The following BMP1 variants were observed in gnomAD, a reference collection of about 807,000 sequenced individuals.
BMP1 encodes mammalian tolloid protein.
A neutral mutation model predicts 116.8 loss-of-function variants in BMP1; 63 were observed. The ratio of observed to expected loss-of-function variants is 0.54; its 90% CI spans 0.44 to 0.67. The LOEUF is 0.67. Among genes scored for constraint, BMP1 ranks in the 30% least tolerant of loss-of-function variants. The pLI is 0.00. For synonymous variants in BMP1, 536 were observed against 533.4 expected (o/e 1.00, Z -0.07); for missense variants, 1,183 against 1,358.9 (o/e 0.87, Z 2.04).
At chr8:22,201,202 G>A in intron 15 of BMP1, 1 of 1,612,790 alleles carries the variant, frequency 6.2e-7, no homozygotes, top group Non-Finnish European at 8.5e-7. Context: ...ACCCCCCAGT[G>A]AGGCCTGCCA....
rs768570264 is a variant in BMP1 at position 22,194,799 on chromosome 8, G to C, written c.1519G>C (p.Gly507Arg). Residue 507 changes from glycine to arginine, a missense_variant, in exon 12 of 20, where the codon GGG becomes CGG. Physicochemically the swap from Gly to Arg is moderately radical, Grantham distance 125. Around this residue, in one of 4 missense-constraint regions of BMP1, gnomAD observed 956 missense variants for 1,135.2 expected, o/e 0.84. Transcript: ENST00000306385. The surrounding 1 kb of genome is among the most constrained non-coding windows in gnomAD (Gnocchi z 4.5). Reference sequence around the variant, plus strand: ...GCACAGTGAGAGCAGCACCCTCATCGGGCGCTACTGTGGCTATGAGAAGCC... The same window carrying C: ...GCACAGTGAGAGCAGCACCCTCATCCGGCGCTACTGTGGCTATGAGAAGCC... Reference protein sequence around the residue: ...DGHSESSTLIGRYCGYEKPDD... With the variant: ...DGHSESSTLIRRYCGYEKPDD... The C allele has an allele frequency of 1.9e-6, 3 of 1,614,086 alleles. No individual in the cohort carries two copies. Among genetic ancestry groups the C allele is most frequent in the East Asian group, 2.2e-5 (1 of 44,888 alleles).
intron 15 of BMP1, 122 bp downstream of exon 15, chr8:22,197,542 C>T (rs1829129506): frequency 9.2e-7 from 1 of 1,086,876 alleles, no homozygotes; most frequent in Non-Finnish European, 1.3e-6. Flanking sequence ...CAGAGTCTGC[C>T]CCCTGCTCCC....
In BMP1 at chr8:22,194,980, C is replaced by G; in HGVS notation, c.1639+61C>G. ...CCTCGTGACCTTCATCCCTTCTTCACTCACTCATTCAACACGGAGACTCCA... is the reference window on the plus strand; with the variant it reads ...CCTCGTGACCTTCATCCCTTCTTCAGTCACTCATTCAACACGGAGACTCCA... On this transcript the variant is annotated intron_variant, in intron 12 of 19. Coordinates refer to ENST00000306385, the MANE Select transcript of BMP1 (RefSeq NM_006129.5). The surrounding 1 kb of genome is among the most constrained non-coding windows in gnomAD (Gnocchi z 4.5). The G allele has an allele frequency of 8.0e-6, 12 of 1,495,498 alleles. No homozygotes were observed. The highest frequency in any genetic ancestry group is 1.3e-5 in the South Asian group (1 of 77,858). The allele number at this position is 1,495,498 out of a possible 1,614,324, so 92.6% of individuals were successfully genotyped here. A position where few individuals can be genotyped will look rare whatever the true frequency, so the allele number is the denominator to read the frequency against.
Position 22,209,702 on chromosome 8 carries a change from C to G in BMP1, c.2826+7C>G. 6.2e-7 allele frequency: 1 copy of G among 1,612,020 alleles called. No individual in the cohort carries two copies. Among genetic ancestry groups the G allele is most frequent in the Non-Finnish European group, 8.5e-7 (1 of 1,179,222 alleles). Reference sequence around the variant, plus strand: ...GCGCTACTGTGGCTCAGGGGTGAGGCCCCCACCCCTCGCCCTCCTGGCCCC... The same window carrying G: ...GCGCTACTGTGGCTCAGGGGTGAGGGCCCCACCCCTCGCCCTCCTGGCCCC... On this transcript the variant is annotated splice_region_variant and intron_variant, in intron 19 of 19. Coordinates refer to ENST00000306385, the MANE Select transcript of BMP1 (RefSeq NM_006129.5).
chr8:22,177,290 G>T, intron 5 of BMP1, 151 bp downstream of exon 5: 1 of 823,592 alleles, frequency 1.2e-6, no homozygotes, highest in Non-Finnish European at 1.9e-6. Flanking sequence ...GCCAGCCCCT[G>T]CCCTTGAGGC....
chr8:22,196,639 G>C (rs1563267684), intron 13 of BMP1, 41 bp from the exon 14 acceptor site: 1 of 1,612,052 alleles, frequency 6.2e-7, no homozygotes, highest in Non-Finnish European at 8.5e-7. Flanking sequence ...CCCCATGGCA[G>C]GGGCTCCCCG....
chr8:22,208,275 T>C (rs1371018658), intron 18 of BMP1, among the ~76,000 whole-genome samples: 2 of 152,212 alleles, frequency 1.3e-5, no homozygotes, highest in African/African-American at 4.8e-5. Context: ...TCCCAGCCCT[T>C]GAGGGGCTTG....
chr8:22,169,186 A>G (rs1451706725), intron 1 of BMP1, among the ~76,000 whole-genome samples: 2 of 58,874 alleles, frequency 3.4e-5, no homozygotes, highest in Non-Finnish European at 7.7e-5. Flanking sequence ...GACTCTGTGA[A>G]AAAAAAAAAA....
intron 9 of BMP1, among the ~76,000 whole-genome samples, chr8:22,193,144 C>T (rs1329020828): frequency 6.6e-6 from 1 of 152,176 alleles, no homozygotes; most frequent in African/African-American, 2.4e-5. Flanking sequence ...CAACTCATTC[C>T]TAGTTGATTC....
chr8:22,207,884 A>T (rs958258731), intron 18 of BMP1, among the ~76,000 whole-genome samples: 23 of 150,658 alleles, frequency 1.5e-4, no homozygotes, highest in African/African-American at 5.7e-4. Context: ...TTTTATTTTT[A>T]TTTATTTTTT....
chr8:22,194,564 G>T lies in BMP1; in HGVS notation c.1417G>T (p.Val473Leu), dbSNP rs373883675. 6.2e-7 allele frequency: 1 copy of T among 1,614,180 alleles called. No individual in the cohort carries two copies. The highest frequency in any genetic ancestry group is 1.1e-5 in the South Asian group (1 of 91,080). The stretch of plus-strand genomic sequence containing the variant: ...GATCCAGGTGTCTGAGGGCTTCCAC[G>T]TGGGCCTCACATTCCAGTCCTTTGA... ...WRIQVSEGFHVGLTFQSFEIE... is the reference protein window; with the variant it reads ...WRIQVSEGFHLGLTFQSFEIE... Residue 473 changes from valine to leucine, a missense_variant, in exon 11 of 20, where the codon GTG (valine) becomes TTG (leucine). Val to Leu is a conservative substitution (Grantham distance 32). Around this residue, in one of 4 missense-constraint regions of BMP1, gnomAD observed 956 missense variants for 1,135.2 expected, o/e 0.84. Coordinates refer to ENST00000306385, the MANE Select transcript of BMP1 (RefSeq NM_006129.5). The surrounding 1 kb of genome is among the most constrained non-coding windows in gnomAD (Gnocchi z 4.5).
At chr8:22,181,439 G>A (rs7838961) in intron 8 of BMP1, among the ~76,000 whole-genome samples, 84,666 of 152,018 alleles carry the variant, frequency 0.56, 24,050 homozygotes, top group East Asian at 0.69. Context: ...GAGGGCCCCC[G>A]AGCCTGTCCG....
At chr8:22,176,445 C>A in intron 3 of BMP1, 88 bp from the exon 4 acceptor site, 1 of 1,556,700 alleles carries the variant, frequency 6.4e-7, no homozygotes, top group Non-Finnish European at 8.8e-7. Flanking sequence ...AGGCAGTCTG[C>A]CCTCAGAATG....
chr8:22,191,893 G>A (rs1343384057), intron 8 of BMP1, among the ~76,000 whole-genome samples, 156 bp from the exon 9 acceptor site: 1 of 152,240 alleles, frequency 6.6e-6, no homozygotes, highest in Non-Finnish European at 1.5e-5. Context: ...TGTGGAGGAG[G>A]GGCGGTTCTG....
At chr8:22,171,242 G>C (rs948747849) in intron 1 of BMP1, 34 of 152,198 alleles carry the variant, frequency 2.2e-4, no homozygotes, top group African/African-American at 8.0e-4. Context: ...CCCTTCATAG[G>C]CTCAAGTGTT....
chr8:22,175,910 A>C (rs2131847756), intron 2 of BMP1, among the ~76,000 whole-genome samples: 1 of 152,348 alleles, frequency 6.6e-6, no homozygotes, highest in South Asian at 2.1e-4. Flanking sequence ...GCGTTGCCTT[A>C]TTCCACCTCA....
At chr8:22,183,143 A>G (rs1349727917) in intron 8 of BMP1, among the ~76,000 whole-genome samples, 2 of 152,246 alleles carry the variant, frequency 1.3e-5, no homozygotes, top group African/African-American at 4.8e-5. Context: ...TCTGGCCAGT[A>G]TATGGCCCAT....
intron 1 of BMP1, chr8:22,169,387 C>T (rs1443308458): frequency 6.6e-6 from 1 of 152,180 alleles, no homozygotes; most frequent in Non-Finnish European, 1.5e-5. Flanking sequence ...CGCCCTTGTC[C>T]TTTGGGGAGT....
At chr8:22,173,475 G>A in intron 1 of BMP1, 127 bp from the exon 2 acceptor site, 2 of 599,860 alleles carry the variant, frequency 3.3e-6, no homozygotes, top group South Asian at 2.4e-5. Flanking sequence ...CGTTCAGATG[G>A]CATTTGAGGA....
Sources: gnomAD v4.1 joint callset for allele counts (sites outside exome capture counted in the v4.1 genomes callset) on GRCh38, gnomAD v4.1.1 for gene constraint, gnomAD v4.1.1 regional missense constraint, Gnocchi (gnomAD v3.1) non-coding constraint, MANE v1.5 for transcripts, NCBI Gene and HGNC (gene_info 2026-07-23, HGNC 2026-07-21) for gene names.